Variants in DPT observed in about 807,000 individuals in gnomAD.
DPT encodes dermatopontin, also known as tyrosine-rich acidic matrix protein.
DPT carries 21 observed loss-of-function variants against 31.2 expected under a neutral mutation model. The observed-to-expected ratio is 0.67, with a 90% CI of 0.48 to 0.97. DPT has a LOEUF of 0.97. DPT is among the 50% of genes least tolerant of loss of function. DPT has a pLI of 0.00. For synonymous variants in DPT, 91 were observed against 86.9 expected, an observed-to-expected ratio of 1.05 and a Z score of -0.26; for missense variants, 262 against 258.8, an observed-to-expected ratio of 1.01 and a Z score of -0.08.
intron 3 of DPT, among the ~76,000 whole-genome samples, chr1:168,699,621 G>A (rs1286451589): frequency 2.0e-5 from 3 of 149,946 alleles, no homozygotes; most frequent in Non-Finnish European, 3.0e-5. Flanking sequence ...GAAATTCTAG[G>A]TCATATTAAA....
At chr1:168,708,039 T>C (rs763719517) in intron 2 of DPT, among the ~76,000 whole-genome samples, 1 of 152,200 alleles carries the variant, frequency 6.6e-6, no homozygotes, top group Non-Finnish European at 1.5e-5. Flanking sequence ...TAAAATGGTG[T>C]AGCATTTGCA....
intron 1 of DPT, among the ~76,000 whole-genome samples, chr1:168,722,390 G>A (rs767497916): frequency 9.2e-5 from 14 of 152,124 alleles, no homozygotes; most frequent in Admixed American, 1.3e-4. Flanking sequence ...CTCCAGCTTT[G>A]TAATTTACCA....
At chr1:168,717,438 G>A (rs775054323) in intron 1 of DPT, among the ~76,000 whole-genome samples, 9 of 152,078 alleles carry the variant, frequency 5.9e-5, no homozygotes, top group Non-Finnish European at 1.0e-4. Context: ...TAATTTCCTT[G>A]TAGATTCTGG....
intron 2 of DPT, among the ~76,000 whole-genome samples, chr1:168,709,021 T>C (rs1341996295): frequency 6.6e-6 from 1 of 152,120 alleles, no homozygotes; most frequent in Admixed American, 6.5e-5. Context: ...AGTGGGGAAG[T>C]AGGCAGTGGA....
At chr1:168,716,223 CATTT>C (rs552879749) in intron 1 of DPT, among the ~76,000 whole-genome samples, 237 of 152,058 alleles carry the variant, frequency 1.6e-3, no homozygotes, top group African/African-American at 4.4e-3. Flanking sequence ...TTCAAATATG[CATTT>C]ATTTATTTAT....
At chr1:168,722,089 G>T (rs1308632559) in intron 1 of DPT, among the ~76,000 whole-genome samples, 1 of 152,136 alleles carries the variant, frequency 6.6e-6, no homozygotes. Context: ...CCTCTGAGAA[G>T]ATCTAGATTA....
chr1:168,699,586 CT>C lies in DPT; in HGVS notation c.539+1430del, dbSNP rs75395550. ...GTGCCTTTCCAGAGCTACTTAATGT[CT>C]TTTTTTTTTTTTAAAAAAAAAAAGA... On this transcript the variant is annotated intron_variant, in intron 3 of 3. Coordinates refer to ENST00000367817, the MANE Select transcript of DPT (RefSeq NM_001937.5). 3.4e-3 allele frequency among the ~76,000 whole-genome samples: 447 copies of C among 130,252 alleles called. 1 individual carries two copies. Among genetic ancestry groups the C allele is most frequent in the African/African-American group, 5.5e-3 (186 of 34,048 alleles). 85.5% of individuals were successfully genotyped at this position (130,252 alleles called of 152,430 possible). A position where few individuals can be genotyped will look rare whatever the true frequency, so the allele number is the denominator to read the frequency against.
chr1:168,698,970 G>C (rs552889731), intron 3 of DPT, among the ~76,000 whole-genome samples: 1 of 152,064 alleles, frequency 6.6e-6, no homozygotes, highest in Non-Finnish European at 1.5e-5. Context: ...ATTTTATTTT[G>C]GGGGGAGGAT....
At chr1:168,716,718 C>T (rs1044126388) in intron 1 of DPT, among the ~76,000 whole-genome samples, 8 of 152,132 alleles carry the variant, frequency 5.3e-5, no homozygotes, top group African/African-American at 1.2e-4. Flanking sequence ...ACTCTACCCC[C>T]GACTGGTCCC....
chr1:168,700,351 T>C (rs566532318), intron 3 of DPT, among the ~76,000 whole-genome samples: 23 of 152,290 alleles, frequency 1.5e-4, no homozygotes, highest in African/African-American at 5.3e-4. Flanking sequence ...TCTTGGACTT[T>C]CCAGCTTCCA....
intron 2 of DPT, among the ~76,000 whole-genome samples, chr1:168,710,627 T>C (rs1347862006): frequency 1.3e-5 from 2 of 152,198 alleles, no homozygotes; most frequent in Non-Finnish European, 2.9e-5. Context: ...TATATGATCA[T>C]TACATTTTTA....
chr1:168,707,747 A>G (rs1000159762), intron 2 of DPT, among the ~76,000 whole-genome samples: 1 of 152,124 alleles, frequency 6.6e-6, no homozygotes, highest in Non-Finnish European at 1.5e-5. Flanking sequence ...ATGGTTTTAT[A>G]AGGGGCTTTT....
intron 2 of DPT, among the ~76,000 whole-genome samples, chr1:168,712,332 C>T (rs983197172): frequency 2.6e-5 from 4 of 152,116 alleles, no homozygotes; most frequent in African/African-American, 7.2e-5. Flanking sequence ...GCTACCTCCT[C>T]ACCTCCTCAC....
intron 2 of DPT, among the ~76,000 whole-genome samples, chr1:168,710,564 T>G (rs1245865353): frequency 1.3e-5 from 2 of 152,178 alleles, no homozygotes; most frequent in African/African-American, 4.8e-5. Flanking sequence ...TCAAAATTGC[T>G]CATCTTTATC....
intron 2 of DPT, among the ~76,000 whole-genome samples, chr1:168,705,538 A>G (rs1649701446): frequency 6.6e-6 from 1 of 152,230 alleles, no homozygotes; most frequent in African/African-American, 2.4e-5. Context: ...AGGAAGCCAT[A>G]CTTCAGCTTT....
chr1:168,696,438 G>A lies in DPT; in HGVS notation c.*111C>T, dbSNP rs1649467197. The stretch of plus-strand genomic sequence containing the variant: ...ATTGCAGTTACCAGCTCAGGGAGAA[G>A]GAAAGAGAGCAGCAGAAACTTCTAT... On this transcript the variant is annotated 3_prime_UTR_variant, in exon 4 of 4. Transcript: ENST00000367817. 4.5e-6 allele frequency: 4 copies of A among 883,682 alleles called. No individual in the cohort carries two copies. Among genetic ancestry groups the A allele is most frequent in the Non-Finnish European group, 6.9e-6 (4 of 581,202 alleles). 54.7% of individuals were successfully genotyped at this position (883,682 alleles called of 1,614,324 possible).
At chr1:168,708,253 G>A (rs181065530) in intron 2 of DPT, among the ~76,000 whole-genome samples, 21 of 151,980 alleles carry the variant, frequency 1.4e-4, no homozygotes, top group Non-Finnish European at 1.8e-4. Flanking sequence ...TCTTGGATAG[G>A]GAACCCCAGA....
chr1:168,696,917 C>T (rs1250257579), intron 3 of DPT, among the ~76,000 whole-genome samples: 1 of 152,138 alleles, frequency 6.6e-6, no homozygotes, highest in African/African-American at 2.4e-5. Context: ...TGTGGGTTAA[C>T]AGCTTGGAAT....
At chr1:168,700,118 T>C (rs1649560387) in intron 3 of DPT, among the ~76,000 whole-genome samples, 1 of 152,104 alleles carries the variant, frequency 6.6e-6, no homozygotes, top group Admixed American at 6.5e-5. Flanking sequence ...AATTTATATA[T>C]TGGAACCTAA....
Sources: allele counts gnomAD v4.1 joint callset (sites outside exome capture counted in the v4.1 genomes callset), GRCh38; gene constraint gnomAD v4.1.1; transcripts MANE v1.5; gene names NCBI Gene and HGNC (gene_info 2026-07-23, HGNC 2026-07-21).